CAPN10: variants seen among roughly 807,000 people sequenced by gnomAD.
CAPN10 encodes calpain-10.
CAPN10 carries 71 observed loss-of-function variants against 78.4 expected under a neutral mutation model. The ratio of observed to expected loss-of-function variants is 0.91; its 90% CI spans 0.75 to 1.10. The LOEUF is 1.10. Among genes scored for constraint, CAPN10 ranks in the 50% least tolerant of loss-of-function variants. The pLI is 0.00. For missense variants in CAPN10, 849 were observed against 924.6 expected (o/e 0.92, Z 1.06); for synonymous variants, 437 against 407.2 (o/e 1.07, Z -0.88).
intron 11 of CAPN10, 68 bp downstream of exon 11, chr2:240,598,465 C>G (rs367889912): frequency 1.5e-5 from 23 of 1,562,630 alleles, no homozygotes; most frequent in Non-Finnish European, 2.0e-5. Flanking sequence ...GGTCTACCTG[C>G]AACCTCAGGC....
At position 240,596,779 on chromosome 2, in the gene CAPN10, A is replaced by G. The variant is rs761495953; in HGVS notation, c.1580A>G (p.Gln527Arg). The G allele has an allele frequency of 6.2e-6, 10 of 1,612,540 alleles. No individual in the cohort carries two copies. Among genetic ancestry groups the G allele is most frequent in the Admixed American group, 1.7e-5 (1 of 59,958 alleles). ...CTACGGGGTTCTTGGAGAGTCGGCCAGACGGCGGGGGGCAGCAGGAACTTT... is the reference window on the plus strand; with the variant it reads ...CTACGGGGTTCTTGGAGAGTCGGCCGGACGGCGGGGGGCAGCAGGAACTTT... ...VQLRGSWRVG[Q>R]TAGGSRNFAS... is the part of the protein sequence containing the mutation. The change falls in exon 9 of 12, where the codon CAG (glutamine) becomes CGG (arginine). Residue 527 changes from glutamine (Q) to arginine (R), a missense_variant. Coordinates refer to ENST00000391984, the MANE Select transcript of CAPN10 (RefSeq NM_023083.4).
At chr2:240,597,065 G>T in intron 9 of CAPN10, 123 bp downstream of exon 9, 1 of 1,227,450 alleles carries the variant, frequency 8.1e-7, no homozygotes, top group Non-Finnish European at 1.2e-6. Context: ...CCTGCCCTTC[G>T]AGGCGCTGCC....
chr2:240,597,918 C>A lies in CAPN10; in HGVS notation c.1774C>A (p.Pro592Thr), dbSNP rs372925946. 7.5e-6 allele frequency: 12 copies of A among 1,610,238 alleles called. No individual in the cohort carries two copies. Among genetic ancestry groups the A allele is most frequent in the African/African-American group, 1.3e-5 (1 of 74,828 alleles). ...VPEGGRSQDA[P>T]PLLLQEPLLS... Reference sequence around the variant, plus strand: ...AGAGGGTGGAAGGAGCCAGGACGCACCCCCACTGCTGCTGCAGGAGCCGCT... The same window carrying A: ...AGAGGGTGGAAGGAGCCAGGACGCAACCCCACTGCTGCTGCAGGAGCCGCT... Residue 592 changes from proline to threonine, a missense_variant, in exon 10 of 12, where the codon CCC becomes ACC. Transcript: ENST00000391984.
Position 240,591,801 on chromosome 2 carries a change from A to G in CAPN10, c.471-132A>G. 4.1e-6 allele frequency: 3 copies of G among 737,016 alleles called. No homozygotes were observed. The South Asian group carries it at 5.5e-5, about 13-fold the overall frequency. 45.7% of individuals were successfully genotyped at this position (737,016 alleles called of 1,614,324 possible). On this transcript the variant is annotated intron_variant, in intron 3 of 11. Coordinates refer to ENST00000391984, the MANE Select transcript of CAPN10 (RefSeq NM_023083.4). ...CCTTGACTTGGTGAGGATGAGGAAGAAGGCAGAGGGGAGTAAAGAGGTGGG... is the reference window on the plus strand; with the variant it reads ...CCTTGACTTGGTGAGGATGAGGAAGGAGGCAGAGGGGAGTAAAGAGGTGGG...
intron 9 of CAPN10, among the ~76,000 whole-genome samples, 196 bp from the exon 10 acceptor site, chr2:240,597,692 C>T (rs1241704409): frequency 6.6e-6 from 1 of 152,182 alleles, no homozygotes; most frequent in African/African-American, 2.4e-5. Context: ...GGCGGGGGCC[C>T]CACTGCCGGC....
chr2:240,591,248 G>A (rs1280351863), intron 3 of CAPN10: 3 of 532,198 alleles, frequency 5.6e-6, no homozygotes, highest in African/African-American at 3.8e-5. Context: ...CCAGCGTGGA[G>A]TCGTTCTCCA....
At position 240,598,752 on chromosome 2, in the gene CAPN10, G is replaced by A; in HGVS notation, c.*72G>A. The A allele has an allele frequency of 7.1e-7, 1 of 1,409,960 alleles. No individual in the cohort carries two copies. Among genetic ancestry groups the A allele is most frequent in the Non-Finnish European group, 9.8e-7 (1 of 1,018,656 alleles). The allele number at this position is 1,409,960 out of a possible 1,614,324, so 87.3% of individuals were successfully genotyped here. ...TGACAGGTTCCCAGCAGCTGGGCCG[G>A]CCAGCCTTGCACTGTGGGGGCTGGT... is the stretch of plus-strand genomic sequence containing the variant. On this transcript the variant is annotated 3_prime_UTR_variant, in exon 12 of 12. Transcript: ENST00000391984.
At chr2:240,588,996 G>A (rs2093084787) in intron 1 of CAPN10, among the ~76,000 whole-genome samples, 2 of 178 alleles carry the variant, frequency 0.011, no homozygotes, top group African/African-American at 0.053. Flanking sequence ...GCCTGCTAGA[G>A]AAACAGATTT....
At chr2:240,591,056 A>G in intron 3 of CAPN10, 45 bp downstream of exon 3, 1 of 1,572,804 alleles carries the variant, frequency 6.4e-7, no homozygotes, top group Non-Finnish European at 8.7e-7. Context: ...GGCAAGTGGG[A>G]GCTGCCACTA....
chr2:240,595,421 C>T (rs1382618236), intron 7 of CAPN10, 117 bp downstream of exon 7: 1 of 1,117,058 alleles, frequency 9.0e-7, no homozygotes, highest in Non-Finnish European at 1.3e-6. Context: ...CGGGCCCCAC[C>T]AGTCTCCCCC....
intron 2 of CAPN10, 133 bp downstream of exon 2, chr2:240,589,607 C>T (rs2093088849): frequency 8.5e-7 from 1 of 1,175,186 alleles, no homozygotes; most frequent in Non-Finnish European, 1.2e-6. Context: ...TGGGGGAAGG[C>T]AGGAGAGTTC....
intron 2 of CAPN10, chr2:240,590,547 G>T: frequency 2.6e-6 from 1 of 379,540 alleles, no homozygotes; most frequent in Non-Finnish European, 4.9e-6. Flanking sequence ...CTGTGCAGGC[G>T]CCGACATCCA....
In CAPN10 at chr2:240,592,029, C is replaced by T. The variant is rs371761558; in HGVS notation, c.567C>T (p.Gly189=). The T allele has an allele frequency of 2.9e-5, 46 of 1,612,912 alleles. No individual in the cohort carries two copies. The highest frequency in any genetic ancestry group is 1.7e-4 in the African/African-American group (13 of 74,918). ...GGLAERWNLK[G]VAGSGGQQDR... The stretch of plus-strand genomic sequence containing the variant: ...TGGCAGAAAGATGGAACCTGAAGGG[C>T]GTAGCAGGAAGCGGAGGCCAGCAGG... Residue 189 remains glycine (G), a synonymous_variant, in exon 4 of 12, where the codon GGC becomes GGT. Coordinates refer to ENST00000391984, the MANE Select transcript of CAPN10 (RefSeq NM_023083.4).
chr2:240,596,896 G>C lies in CAPN10; in HGVS notation c.1697G>C (p.Arg566Pro), dbSNP rs200753424. 6.2e-6 allele frequency: 10 copies of C among 1,613,402 alleles called. No individual in the cohort carries two copies. The highest frequency in any genetic ancestry group is 8.5e-6 in the Non-Finnish European group (10 of 1,180,032). The change falls in exon 9 of 12, where the codon CGG (arginine) becomes CCG (proline). Residue 566 changes from arginine to proline, a missense_variant. Coordinates refer to ENST00000391984, the MANE Select transcript of CAPN10 (RefSeq NM_023083.4). ...CVRITLHQHCRPSDTEFHPIG... is the reference protein window; with the variant it reads ...CVRITLHQHCPPSDTEFHPIG... ...CGCATCACTCTGCATCAGCACTGCC[G>C]GCCCAGTGACACCGAGTTCCACCCC...
chr2:240,598,014 A>C lies in CAPN10; in HGVS notation c.1870A>C (p.Lys624Gln), dbSNP rs771095340. 1 of 1,612,958 alleles carries C rather than the reference A, an allele frequency of 6.2e-7. No individual in the cohort carries two copies. Among genetic ancestry groups the C allele is most frequent in the Non-Finnish European group, 8.5e-7 (1 of 1,179,880 alleles). ...CTGCCTCCTGCCTGCGGGCACCTAC[A>C]AGGTTGTGCCCTCCACCTACCTGCC... ...RLCLLPAGTY[K>Q]VVPSTYLPDT... The change falls in exon 10 of 12, where the codon AAG becomes CAG. Residue 624 changes from lysine to glutamine, a missense_variant. By Grantham distance (53) the Lys-to-Gln change is moderately conservative (BLOSUM62 1). Transcript: ENST00000391984.
rs1316872862 is a variant in CAPN10 at position 240,590,966 on chromosome 2, G to T, written c.425G>T (p.Arg142Met). ...AGACTCTGTTTCTCCCGCTGCCAGA[G>T]GGAGGATGTGTTCTGGCTCCCCTTA... The part of the protein sequence containing the change: ...AGRLCFSRCQ[R>M]EDVFWLPLLE... Residue 142 changes from arginine (R) to methionine (M), a missense_variant, in exon 3 of 12, where the codon AGG (arginine) becomes ATG (methionine). Transcript: ENST00000391984. The T allele has an allele frequency of 6.2e-7, 1 of 1,614,122 alleles. No homozygotes were observed. Among genetic ancestry groups the T allele is most frequent in the Non-Finnish European group, 8.5e-7 (1 of 1,180,060 alleles).
chr2:240,595,846 C>T (rs536511174), intron 7 of CAPN10: 13 of 892,244 alleles, frequency 1.5e-5, no homozygotes, highest in South Asian at 2.8e-5. Flanking sequence ...CAGATGGGGG[C>T]GCCTGAGGGC....
At chr2:240,589,721 T>TC in intron 2 of CAPN10, 1 of 501,388 alleles carries the variant, frequency 2.0e-6, no homozygotes, top group South Asian at 2.8e-5. Flanking sequence ...CTCTGTGCTC[T>TC]CCTGACCCCC....
At chr2:240,592,662 A>G (rs1181237913) in intron 4 of CAPN10, 1 of 363,930 alleles carries the variant, frequency 2.7e-6, no homozygotes, top group Non-Finnish European at 5.6e-6. Context: ...AATGAAGGAA[A>G]AAAATCACTT....
Sources: gnomAD v4.1 joint callset for allele counts (sites outside exome capture counted in the v4.1 genomes callset) on GRCh38, gnomAD v4.1.1 for gene constraint, MANE v1.5 for transcripts, NCBI Gene and HGNC (gene_info 2026-07-23, HGNC 2026-07-21) for gene names.